Variants in CTSZ observed in about 807,000 individuals in gnomAD.
CTSZ encodes carboxypeptidase LB.
Under a neutral mutation model 32.4 loss-of-function variants are expected in CTSZ, and 39 were observed. The ratio of observed to expected loss-of-function variants is 1.20; its 90% CI spans 0.93 to 1.57. The LOEUF (loss-of-function observed/expected upper bound fraction) is 1.57, where lower values mean the gene tolerates loss of function less well. CTSZ is among the 40% of genes most tolerant of loss of function. The pLI, the probability that CTSZ is intolerant of heterozygous loss-of-function variation, is 0.00. For missense variants in CTSZ, 397 were observed against 419.6 expected (o/e 0.95, Z 0.47); for synonymous variants, 168 against 170.1 (o/e 0.99, Z 0.10).
intron 1 of CTSZ, 63 bp downstream of exon 1, chr20:59,006,923 G>T: frequency 2.3e-6 from 3 of 1,306,302 alleles, no homozygotes; most frequent in Non-Finnish European, 2.9e-6. Context: ...GAGGCAGAGC[G>T]CGCGCCTGGC....
At chr20:58,996,883 G>A (rs564596357) in intron 4 of CTSZ, 82 bp from the exon 5 acceptor site, 7 of 1,499,214 alleles carry the variant, frequency 4.7e-6, no homozygotes, top group East Asian at 4.6e-5. Flanking sequence ...ATGGCTGGGC[G>A]CCGTGGCTCA....
At chr20:58,996,908 G>T in intron 4 of CTSZ, 107 bp from the exon 5 acceptor site, 1 of 1,308,328 alleles carries the variant, frequency 7.6e-7, no homozygotes, top group Non-Finnish European at 1.1e-6. Context: ...TGTAATTCCA[G>T]CACTTTGGGA....
intron 2 of CTSZ, 114 bp downstream of exon 2, chr20:59,006,208 G>T: frequency 7.3e-7 from 1 of 1,375,890 alleles, no homozygotes; most frequent in Non-Finnish European, 9.7e-7. Context: ...CCCAGCCCAG[G>T]CTGACCTGGC....
chr20:59,003,417 A>G (rs2091897599), intron 2 of CTSZ, among the ~76,000 whole-genome samples: 2 of 152,288 alleles, frequency 1.3e-5, no homozygotes, highest in South Asian at 4.1e-4. Flanking sequence ...TATTACTCAC[A>G]CTGTGGGCTA....
Position 59,002,445 on chromosome 20 carries a change from C to G in CTSZ, c.308-801G>C, listed in dbSNP as rs1568683447. On this transcript the variant is annotated intron_variant, in intron 2 of 5. Coordinates refer to ENST00000217131, the MANE Select transcript of CTSZ (RefSeq NM_001336.4). This position sits in a 1 kb window ranked among gnomAD's most constrained non-coding sequence, Gnocchi z 4.1. ...CCTGCCTCAGGCCTCATCTCCTGAC[C>G]CCACGTTCAAGTCGGAACTCTTCCT... Among the ~76,000 whole-genome samples, 1 of 152,136 alleles carries G rather than the reference C, an allele frequency of 6.6e-6. No individual in the cohort carries two copies. Among genetic ancestry groups the G allele is most frequent in the African/African-American group, 2.4e-5 (1 of 41,420 alleles).
chr20:58,997,806 G>C, intron 3 of CTSZ, 53 bp from the exon 4 acceptor site: 3 of 1,500,354 alleles, frequency 2.0e-6, no homozygotes, highest in South Asian at 2.7e-5. Flanking sequence ...TCAACCCACT[G>C]ACAAAGAAGC....
At chr20:59,006,536 G>T in intron 1 of CTSZ, 51 bp from the exon 2 acceptor site, 1 of 1,558,112 alleles carries the variant, frequency 6.4e-7, no homozygotes, top group South Asian at 1.2e-5. Flanking sequence ...CCCGGGGGCC[G>T]TGGGCCCAGG....
In CTSZ at chr20:58,997,568, G is replaced by A. The variant is rs535616898; in HGVS notation, c.638+35C>T. On this transcript the variant is annotated intron_variant, in intron 4 of 5. Transcript: ENST00000217131. ...TCACCCGCGGGACCTTTCCTCACCC[G>A]CAAACCTCTCTTTGCCCGCGGGACC... 1.3e-4 allele frequency: 200 copies of A among 1,507,740 alleles called. 5 individuals carry two copies. The South Asian group carries it at 2.2e-3, about 17-fold the overall frequency. The allele number at this position is 1,507,740 out of a possible 1,614,324, so 93.4% of individuals were successfully genotyped here. A position where few individuals can be genotyped will look rare whatever the true frequency, so the allele number is the denominator to read the frequency against.
rs1410893469 is a variant in CTSZ, at chr20:59,002,563, T to G, written c.308-919A>C. 6.6e-6 allele frequency among the ~76,000 whole-genome samples: 1 copy of G among 151,846 alleles called. No individual in the cohort carries two copies. The highest frequency in any genetic ancestry group is 1.5e-5 in the Non-Finnish European group (1 of 67,932). On this transcript the variant is annotated intron_variant, in intron 2 of 5. Transcript: ENST00000217131. The surrounding 1 kb of genome is among the most constrained non-coding windows in gnomAD (Gnocchi z 4.1). ...TCTGGACCTGCACATCCCCTCCATC[T>G]CTTGTCACCTTCCAGACTCTCCCAC...
rs901765493 is a variant in CTSZ, at chr20:58,995,517, C to T, written c.*132G>A. The T allele has an allele frequency of 2.0e-5, 15 of 740,892 alleles. No individual in the cohort carries two copies. Among genetic ancestry groups the T allele is most frequent in the African/African-American group, 8.7e-5 (5 of 57,272 alleles). The allele number at this position is 740,892 out of a possible 1,614,324, so 45.9% of individuals were successfully genotyped here. On this transcript the variant is annotated 3_prime_UTR_variant, in exon 6 of 6. Coordinates refer to ENST00000217131, the MANE Select transcript of CTSZ (RefSeq NM_001336.4). ...TCAGGAACACTCGCAGCCAGTGCCA[C>T]GCTGTCCTCGCCATCCAATATTGAT... is the stretch of plus-strand genomic sequence containing the variant.
At position 59,007,095 on chromosome 20, in the gene CTSZ, G is replaced by A. The variant is rs769665381; in HGVS notation, c.34C>T (p.Leu12=). Residue 12 remains leucine, a synonymous_variant, in exon 1 of 6, where the codon CTG becomes TTG. Coordinates refer to ENST00000217131, the MANE Select transcript of CTSZ (RefSeq NM_001336.4). Reference sequence around the variant, plus strand: ...GCGCCCGCCAGCAGCACGAGCAGCAGAAGCGGCCGCCACCCTGGCCCGCGC... The same window carrying A: ...GCGCCCGCCAGCAGCACGAGCAGCAAAAGCGGCCGCCACCCTGGCCCGCGC... ...ARRGPGWRPL[L]LLVLLAGAAQ... The A allele has an allele frequency of 6.2e-6, 9 of 1,445,814 alleles. No individual in the cohort carries two copies. The highest frequency in any genetic ancestry group is 8.1e-6 in the Non-Finnish European group (9 of 1,104,704). 89.6% of individuals were successfully genotyped at this position (1,445,814 alleles called of 1,614,324 possible).
At chr20:58,997,211 C>T (rs1037406508) in intron 4 of CTSZ, among the ~76,000 whole-genome samples, 1 of 151,692 alleles carries the variant, frequency 6.6e-6, no homozygotes, top group African/African-American at 2.4e-5. Context: ...AGTGTAAACC[C>T]GACTCAGGTA....
chr20:58,997,691 T>C lies in CTSZ; in HGVS notation c.550A>G (p.Asn184Asp). 1.9e-6 allele frequency: 3 copies of C among 1,610,770 alleles called. No homozygotes were observed. The highest frequency in any genetic ancestry group is 2.5e-6 in the Non-Finnish European group (3 of 1,178,510). The stretch of plus-strand genomic sequence containing the variant: ...TCTCCCACCCTCCAGAGGGTGTAGT[T>C]CCGGATGGCGTGGCACTCTTTGAAT... The part of the protein sequence containing the change: ...NEFKECHAIR[N>D]YTLWRVGDYG... The change falls in exon 4 of 6, where the codon AAC (asparagine) becomes GAC (aspartate). Residue 184 changes from asparagine to aspartate, a missense_variant. Asn to Asp is a conservative substitution (Grantham distance 23). Coordinates refer to ENST00000217131, the MANE Select transcript of CTSZ (RefSeq NM_001336.4).
At chr20:58,998,546 C>CAAGAA (rs1555807497) in intron 3 of CTSZ, among the ~76,000 whole-genome samples, 3 of 129,130 alleles carry the variant, frequency 2.3e-5, no homozygotes, top group African/African-American at 9.0e-5. Context: ...GACTCCGTCT[C>CAAGAA]AAAAAAAAAG....
In CTSZ at chr20:58,997,705, C is replaced by A; in HGVS notation, c.536G>T (p.Cys179Phe). 1.9e-6 allele frequency: 3 copies of A among 1,609,120 alleles called. No individual in the cohort carries two copies. Among genetic ancestry groups the A allele is most frequent in the South Asian group, 1.1e-5 (1 of 89,728 alleles). Residue 179 changes from cysteine to phenylalanine, a missense_variant, in exon 4 of 6, where the codon TGC becomes TTC. By Grantham distance (205) the Cys-to-Phe change is radical (BLOSUM62 -2). Transcript: ENST00000217131. Reference sequence around the variant, plus strand: ...GAGGGTGTAGTTCCGGATGGCGTGGCACTCTTTGAATTCATTGCATGTCCC... The same window carrying A: ...GAGGGTGTAGTTCCGGATGGCGTGGAACTCTTTGAATTCATTGCATGTCCC... ...QCGTCNEFKE[C>F]HAIRNYTLWR...
At chr20:59,001,688 A>G in intron 2 of CTSZ, 44 bp from the exon 3 acceptor site, 1 of 1,588,280 alleles carries the variant, frequency 6.3e-7, no homozygotes, top group Non-Finnish European at 8.6e-7. Context: ...CCCACTCTCC[A>G]CCCACTTCCC....
chr20:59,000,190 C>T (rs1478780989), intron 3 of CTSZ, among the ~76,000 whole-genome samples: 1 of 151,986 alleles, frequency 6.6e-6, no homozygotes, highest in Non-Finnish European at 1.5e-5. Context: ...CCAGCCTGAA[C>T]AACATGGAGA....
In CTSZ at chr20:58,998,362, GA is replaced by G. The variant is rs548540875; in HGVS notation, c.488-610del. ...TTGAGACCAGCCTGGCCAACATGGT[GA>G]AACCCCTGTCTCTACTAATAAAGTA... is the stretch of plus-strand genomic sequence containing the variant. On this transcript the variant is annotated intron_variant, in intron 3 of 5. Transcript: ENST00000217131. Among the ~76,000 whole-genome samples, 1,315 of 152,112 alleles carry G rather than the reference GA, an allele frequency of 8.6e-3. 22 individuals carry two copies. The highest frequency in any genetic ancestry group is 0.03 in the African/African-American group (1,247 of 41,482).
intron 3 of CTSZ, among the ~76,000 whole-genome samples, chr20:59,000,333 G>C (rs1028934924): frequency 6.6e-6 from 1 of 152,220 alleles, no homozygotes; most frequent in Non-Finnish European, 1.5e-5. Context: ...AGCAGAGATC[G>C]TGCCATTGCA....
Sources: allele counts gnomAD v4.1 joint callset (sites outside exome capture counted in the v4.1 genomes callset), GRCh38; gene constraint gnomAD v4.1.1; non-coding constraint Gnocchi (gnomAD v3.1); transcripts MANE v1.5; gene names NCBI Gene and HGNC (gene_info 2026-07-23, HGNC 2026-07-21).